The following YEATS2 variants were observed in gnomAD, a reference collection of about 807,000 sequenced individuals.
YEATS2 encodes YEATS domain containing 2.
In YEATS2, 77 loss-of-function variants were observed where a neutral mutation model predicts 163.2. That is an observed-to-expected ratio of 0.47 (90% CI 0.39 to 0.57). The LOEUF is 0.57. YEATS2 is among the 20% of genes least tolerant of loss of function. The pLI, the probability that YEATS2 is intolerant of heterozygous loss-of-function variation, is 0.00. For synonymous variants in YEATS2, 631 were observed against 645.1 expected (o/e 0.98, Z 0.33); for missense variants, 1,549 against 1,729.8 (o/e 0.90, Z 1.85).
intron 6 of YEATS2, among the ~76,000 whole-genome samples, chr3:183,725,775 C>A (rs1717028297): frequency 1.3e-5 from 2 of 152,206 alleles, no homozygotes; most frequent in Non-Finnish European, 2.9e-5. Flanking sequence ...CGGCCATTTA[C>A]TTGTGATTGG....
chr3:183,794,268 C>A (rs1450452623), intron 21 of YEATS2, among the ~76,000 whole-genome samples: 2 of 152,134 alleles, frequency 1.3e-5, no homozygotes, highest in Non-Finnish European at 2.9e-5. Flanking sequence ...GATGATGTAT[C>A]AGGGAACTCT....
rs149312737 is a variant in YEATS2 at position 183,760,907 on chromosome 3, C to T, written c.1657-600C>T. ...TGTCCTTTAGTGGTTTACCAACTAT[C>T]GGGGAAGACCAATAAAGTCAGCCAA... On this transcript the variant is annotated intron_variant, in intron 13 of 30. Coordinates refer to ENST00000305135, the MANE Select transcript of YEATS2 (RefSeq NM_018023.5). Among the ~76,000 whole-genome samples the T allele has an allele frequency of 1.1e-3, 168 of 152,176 alleles. 2 individuals are homozygous for T. In the East Asian group the frequency reaches 0.029, roughly 27 times the overall value.
chr3:183,805,099 CAAAG>C (rs1341784857), intron 27 of YEATS2, among the ~76,000 whole-genome samples: 1 of 149,994 alleles, frequency 6.7e-6, no homozygotes. Context: ...AGTTTCACCT[CAAAG>C]AATAAGAAGG....
rs964677069 is a variant in YEATS2, at chr3:183,776,088, A to G, written c.2542A>G (p.Thr848Ala). 6.2e-7 allele frequency: 1 copy of G among 1,604,064 alleles called. No individual in the cohort carries two copies. Among genetic ancestry groups the G allele is most frequent in the Admixed American group, 1.7e-5 (1 of 58,724 alleles). The stretch of plus-strand genomic sequence containing the variant: ...CCCTGGAGGGATATCTCAGCACCTG[A>G]CTTACACATCTTACATCCTCAAGCA... Reference protein sequence around the residue: ...AGPGGISQHLTYTSYILKQTP... With the variant: ...AGPGGISQHLAYTSYILKQTP... The change falls in exon 18 of 31, where the codon ACT (threonine) becomes GCT (alanine). Residue 848 changes from threonine to alanine, a missense_variant. Thr to Ala is a moderately conservative substitution (Grantham distance 58). Coordinates refer to ENST00000305135, the MANE Select transcript of YEATS2 (RefSeq NM_018023.5).
intron 15 of YEATS2, among the ~76,000 whole-genome samples, chr3:183,771,911 G>A (rs534776450): frequency 6.6e-6 from 1 of 151,874 alleles, no homozygotes; most frequent in East Asian, 1.9e-4. Flanking sequence ...ATTTTTAGTA[G>A]AGATTGGATT....
Position 183,720,766 on chromosome 3 carries a change from A to G in YEATS2, c.292-1125A>G, listed in dbSNP as rs565042357. 3.3e-5 allele frequency among the ~76,000 whole-genome samples: 5 copies of G among 152,314 alleles called. No individual in the cohort carries two copies. The South Asian group carries it at 1.0e-3, about 32-fold the overall frequency. ...TTATTATCTCACTATTATGAAGTCT[A>G]GAAGTCCAAAATCAAGGTGTCAACA... On this transcript the variant is annotated intron_variant, in intron 4 of 30. Transcript: ENST00000305135.
chr3:183,763,385 A>G (rs1310847675), intron 15 of YEATS2, among the ~76,000 whole-genome samples: 7 of 152,240 alleles, frequency 4.6e-5, no homozygotes, highest in Admixed American at 4.6e-4. Context: ...ATACAGTGTT[A>G]TAATCTTATG....
intron 7 of YEATS2, among the ~76,000 whole-genome samples, chr3:183,732,993 T>C (rs2109135970): frequency 6.6e-6 from 1 of 152,322 alleles, no homozygotes; most frequent in African/African-American, 2.4e-5. Context: ...CCTGGGTAGC[T>C]AGGACTATAG....
At chr3:183,748,498 T>A (rs1302434893) in intron 9 of YEATS2, among the ~76,000 whole-genome samples, 1 of 152,142 alleles carries the variant, frequency 6.6e-6, no homozygotes, top group Non-Finnish European at 1.5e-5. Flanking sequence ...TCGAACTGCC[T>A]GACCTCAGGT....
chr3:183,749,428 T>C (rs1719922732), intron 9 of YEATS2, among the ~76,000 whole-genome samples: 1 of 152,100 alleles, frequency 6.6e-6, no homozygotes, highest in Non-Finnish European at 1.5e-5. Context: ...CATTAAAAAA[T>C]GACCACCCAC....
At chr3:183,719,153 C>CTT (rs1271192463) in intron 4 of YEATS2, among the ~76,000 whole-genome samples, 4 of 141,856 alleles carry the variant, frequency 2.8e-5, no homozygotes, top group Admixed American at 1.4e-4. Context: ...ATATTTTTTC[C>CTT]TTTTTTTTTT....
At chr3:183,714,244 G>A (rs1335919573) in intron 1 of YEATS2, among the ~76,000 whole-genome samples, 1 of 148,036 alleles carries the variant, frequency 6.8e-6, no homozygotes, top group African/African-American at 2.5e-5. Flanking sequence ...CTCCCAGGCT[G>A]GAGTGCAGTG....
At chr3:183,797,640 C>T (rs140137350) in intron 21 of YEATS2, among the ~76,000 whole-genome samples, 22 of 152,102 alleles carry the variant, frequency 1.4e-4, no homozygotes, top group Non-Finnish European at 3.2e-4. Context: ...GCAAGAAAAT[C>T]GCTTGAACCT....
intron 15 of YEATS2, among the ~76,000 whole-genome samples, chr3:183,768,289 G>C (rs529176360): frequency 6.6e-6 from 1 of 152,322 alleles, no homozygotes; most frequent in East Asian, 1.9e-4. Context: ...AAGGGAGCAG[G>C]GGGAGGGAGA....
At chr3:183,716,392 AG>A (rs770328084) in intron 2 of YEATS2, among the ~76,000 whole-genome samples, 13 of 152,252 alleles carry the variant, frequency 8.5e-5, no homozygotes, top group Non-Finnish European at 1.8e-4. Flanking sequence ...AGTTCCACAT[AG>A]GATCCGTAGA....
chr3:183,779,036 G>A (rs1258481937), intron 19 of YEATS2, among the ~76,000 whole-genome samples: 6 of 151,898 alleles, frequency 4.0e-5, no homozygotes, highest in African/African-American at 9.7e-5. Context: ...TCATCCTCAC[G>A]AGTAGCTGCG....
At chr3:183,801,861 C>A (rs548345094) in intron 25 of YEATS2, 359 of 189,030 alleles carry the variant, frequency 1.9e-3, no homozygotes, top group Non-Finnish European at 2.9e-3. Flanking sequence ...TGTACCAGGT[C>A]CTGTGCAGGT....
At chr3:183,770,277 G>A (rs1007292419) in intron 15 of YEATS2, among the ~76,000 whole-genome samples, 2 of 151,706 alleles carry the variant, frequency 1.3e-5, no homozygotes, top group African/African-American at 4.8e-5. Flanking sequence ...CCAGCTACTC[G>A]GGAGACTGAG....
At chr3:183,767,709 G>A (rs111557595) in intron 15 of YEATS2, among the ~76,000 whole-genome samples, 3,433 of 151,802 alleles carry the variant, frequency 0.023, 131 homozygotes, top group African/African-American at 0.077. Flanking sequence ...TAGAGACGGG[G>A]TTTTACCATG....
Sources: allele counts gnomAD v4.1 joint callset (sites outside exome capture counted in the v4.1 genomes callset), GRCh38; gene constraint gnomAD v4.1.1; transcripts MANE v1.5; gene names NCBI Gene and HGNC (gene_info 2026-07-23, HGNC 2026-07-21).